The following SEPTIN11 variants were observed in gnomAD, a reference collection of about 807,000 sequenced individuals.
SEPTIN11 encodes septin 11.
Under a neutral mutation model 51.4 loss-of-function variants are expected in SEPTIN11, and 25 were observed. That is an observed-to-expected ratio of 0.49 (90% CI 0.35 to 0.68). The LOEUF (loss-of-function observed/expected upper bound fraction) is 0.68. Among genes scored for constraint, SEPTIN11 ranks in the 30% least tolerant of loss-of-function variants. SEPTIN11 has a pLI of 0.00. For missense variants in SEPTIN11, 381 were observed against 520.8 expected (o/e 0.73, Z 2.61); for synonymous variants, 174 against 184.1 (o/e 0.95, Z 0.44).
intron 2 of SEPTIN11, among the ~76,000 whole-genome samples, chr4:77,002,546 G>A (rs1724187928): frequency 6.6e-6 from 1 of 152,168 alleles, no homozygotes; most frequent in Non-Finnish European, 1.5e-5. Flanking sequence ...AAAGAAGTTG[G>A]CTCTGCTTGA....
chr4:76,949,967 C>G, intron 1 of SEPTIN11, 37 bp downstream of exon 1: 1 of 1,437,012 alleles, frequency 7.0e-7, no homozygotes, highest in African/African-American at 1.5e-5. Flanking sequence ...TCCTCGGGCG[C>G]CGGGTGGTCT....
chr4:76,981,016 A>G (rs890906114), intron 1 of SEPTIN11, among the ~76,000 whole-genome samples: 3 of 152,214 alleles, frequency 2.0e-5, no homozygotes, highest in Non-Finnish European at 4.4e-5. Flanking sequence ...TAATCTATCA[A>G]TCTAGGACCA....
rs575597519 is a variant in SEPTIN11, at chr4:76,992,881, A to G, written c.28-3544A>G. Among the ~76,000 whole-genome samples, 3 of 152,052 alleles carry G rather than the reference A, an allele frequency of 2.0e-5. No individual in the cohort carries two copies. In the East Asian group the frequency reaches 5.8e-4, roughly 29 times the overall value. On this transcript the variant is annotated intron_variant, in intron 1 of 9. Coordinates refer to ENST00000264893, the MANE Select transcript of SEPTIN11 (RefSeq NM_018243.4). ...TGGGAAGAAACCTGGGTTTGTCCCA[A>G]GAAGAGTGGTCATTTAATTTAACTG...
chr4:77,036,568 A>C lies in SEPTIN11; in HGVS notation c.*2056A>C, dbSNP rs1254386376. The C allele has an allele frequency of 2.1e-6, 3 of 1,419,580 alleles. No homozygotes were observed. The Admixed American group carries it at 9.3e-5, about 44-fold the overall frequency. 87.9% of individuals were successfully genotyped at this position (1,419,580 alleles called of 1,614,324 possible). On this transcript the variant is annotated 3_prime_UTR_variant, in exon 10 of 10. Transcript: ENST00000264893. ...GATTCCAAGATTATTGATTGGATTG[A>C]CTTTTTTGCATTAAATTTTTCCCAG...
intron 2 of SEPTIN11, among the ~76,000 whole-genome samples, chr4:77,005,064 G>A (rs1724388806): frequency 6.6e-6 from 1 of 152,214 alleles, no homozygotes; most frequent in African/African-American, 2.4e-5. Context: ...ACTCAGTGAT[G>A]TTAGTGATTA....
intron 1 of SEPTIN11, among the ~76,000 whole-genome samples, chr4:76,969,032 C>A (rs1722139601): frequency 6.6e-6 from 1 of 152,184 alleles, no homozygotes; most frequent in Non-Finnish European, 1.5e-5. Flanking sequence ...GAATAGTCTT[C>A]TTCCCACATG....
intron 4 of SEPTIN11, 81 bp downstream of exon 4, chr4:77,012,002 C>A: frequency 7.8e-7 from 1 of 1,276,356 alleles, no homozygotes; most frequent in Non-Finnish European, 1.1e-6. Flanking sequence ...TCTCTGCTTT[C>A]AGTGTGATTT....
At position 77,036,194 on chromosome 4, in the gene SEPTIN11, A is replaced by G. The variant is rs1436692059; in HGVS notation, c.*1682A>G. On this transcript the variant is annotated 3_prime_UTR_variant, in exon 10 of 10. Coordinates refer to ENST00000264893, the MANE Select transcript of SEPTIN11 (RefSeq NM_018243.4). ...TCATGGAAGCCTAAACAAAGCTGGA[A>G]TAGAAACTACACACTAGACACAGCA... The G allele has an allele frequency of 2.0e-6, 2 of 987,674 alleles. No homozygotes were observed. The highest frequency in any genetic ancestry group is 3.5e-5 in the African/African-American group (2 of 57,278). 61.2% of individuals were successfully genotyped at this position (987,674 alleles called of 1,614,324 possible). A position where few individuals can be genotyped will look rare whatever the true frequency, so the allele number is the denominator to read the frequency against.
chr4:77,008,465 GT>G (rs1380419494), intron 3 of SEPTIN11, among the ~76,000 whole-genome samples: 1 of 152,160 alleles, frequency 6.6e-6, no homozygotes, highest in African/African-American at 2.4e-5. Context: ...ACACTTTCTG[GT>G]GGAGGTAGTC....
chr4:77,038,260 T>G lies in SEPTIN11; in HGVS notation c.*3748T>G. 3.0e-6 allele frequency: 3 copies of G among 985,752 alleles called. No individual in the cohort carries two copies. Among genetic ancestry groups the G allele is most frequent in the Non-Finnish European group, 3.6e-6 (3 of 829,784 alleles). 61.1% of individuals were successfully genotyped at this position (985,752 alleles called of 1,614,324 possible). A position where few individuals can be genotyped will look rare whatever the true frequency, so the allele number is the denominator to read the frequency against. On this transcript the variant is annotated 3_prime_UTR_variant, in exon 10 of 10. Coordinates refer to ENST00000264893, the MANE Select transcript of SEPTIN11 (RefSeq NM_018243.4). ...CTGTGAACAGCATTAGAACTTTGTCTATTTCTTAATTTTAAAATATGCTGA... is the reference window on the plus strand; with the variant it reads ...CTGTGAACAGCATTAGAACTTTGTCGATTTCTTAATTTTAAAATATGCTGA...
chr4:76,989,386 C>T (rs1321730250), intron 1 of SEPTIN11, among the ~76,000 whole-genome samples: 10 of 152,126 alleles, frequency 6.6e-5, no homozygotes, highest in Admixed American at 3.9e-4. Flanking sequence ...CGAATGGAAA[C>T]GTAATTTTAA....
chr4:77,012,492 C>T (rs2109957206), intron 4 of SEPTIN11, among the ~76,000 whole-genome samples: 1 of 152,206 alleles, frequency 6.6e-6, no homozygotes, highest in South Asian at 2.1e-4. Context: ...TTAGACTTTC[C>T]ATTTTGAAAT....
Position 77,038,559 on chromosome 4 carries a change from T to G in SEPTIN11, c.*4047T>G. ...GAGTGGTGAACAGATAATCTATGCA[T>G]ATATCACTAGTGCCAAGACATAAAG... On this transcript the variant is annotated 3_prime_UTR_variant, in exon 10 of 10. Coordinates refer to ENST00000264893, the MANE Select transcript of SEPTIN11 (RefSeq NM_018243.4). 1 of 992,246 alleles carries G rather than the reference T, an allele frequency of 1.0e-6. No homozygotes were observed. The highest frequency in any genetic ancestry group is 1.7e-5 in the African/African-American group (1 of 57,416). The allele number at this position is 992,246 out of a possible 1,614,324, so 61.5% of individuals were successfully genotyped here.
In SEPTIN11 at chr4:77,024,586, A is replaced by G. The variant is rs966837393; in HGVS notation, c.953+3916A>G. Among the ~76,000 whole-genome samples, 1 of 152,048 alleles carries G rather than the reference A, an allele frequency of 6.6e-6. No individual in the cohort carries two copies. Among genetic ancestry groups the G allele is most frequent in the African/African-American group, 2.4e-5 (1 of 41,384 alleles). ...CAAGCTGCTCCCATCTCACCTCAGA[A>G]CACCACCGTCTCCTTGCTTCACCCC... On this transcript the variant is annotated intron_variant, in intron 7 of 9. Coordinates refer to ENST00000264893, the MANE Select transcript of SEPTIN11 (RefSeq NM_018243.4). The surrounding 1 kb of genome is among the most constrained non-coding windows in gnomAD (Gnocchi z 4.2).
intron 5 of SEPTIN11, among the ~76,000 whole-genome samples, chr4:77,018,222 G>A (rs1265391493): frequency 2.0e-5 from 3 of 152,130 alleles, no homozygotes; most frequent in South Asian, 2.1e-4. Context: ...AGGCCAAGGC[G>A]GGCGGATCAC....
chr4:76,997,293 C>CA (rs1723792130), intron 2 of SEPTIN11, among the ~76,000 whole-genome samples: 1 of 152,024 alleles, frequency 6.6e-6, no homozygotes, highest in Non-Finnish European at 1.5e-5. Flanking sequence ...TGAGACAGAT[C>CA]AAAGAATTCT....
At position 77,037,916 on chromosome 4, in the gene SEPTIN11, A is replaced by G. The variant is rs940452206; in HGVS notation, c.*3404A>G. The stretch of plus-strand genomic sequence containing the variant: ...TGACTCACCAGCAGTAACACACACA[A>G]TCCACATCTTGTGCACCTCAAATGA... On this transcript the variant is annotated 3_prime_UTR_variant, in exon 10 of 10. Transcript: ENST00000264893. 62 of 985,748 alleles carry G rather than the reference A, an allele frequency of 6.3e-5. No individual in the cohort carries two copies. Among genetic ancestry groups the G allele is most frequent in the Non-Finnish European group, 6.6e-5 (55 of 829,964 alleles). 61.1% of individuals were successfully genotyped at this position (985,748 alleles called of 1,614,324 possible).
intron 1 of SEPTIN11, among the ~76,000 whole-genome samples, chr4:76,989,934 G>A (rs1400866325): frequency 2.0e-5 from 3 of 152,166 alleles, no homozygotes; most frequent in Non-Finnish European, 2.9e-5. Context: ...GAATGAAGCC[G>A]CAGACCTTCA....
At chr4:76,976,979 A>T (rs1374456611) in intron 1 of SEPTIN11, among the ~76,000 whole-genome samples, 1 of 152,150 alleles carries the variant, frequency 6.6e-6, no homozygotes, top group Admixed American at 6.5e-5. Context: ...AGTAGTTTTT[A>T]TGTTTTTTTC....
Sources: gnomAD v4.1 joint callset for allele counts (sites outside exome capture counted in the v4.1 genomes callset) on GRCh38, gnomAD v4.1.1 for gene constraint, Gnocchi (gnomAD v3.1) non-coding constraint, MANE v1.5 for transcripts, NCBI Gene and HGNC (gene_info 2026-07-23, HGNC 2026-07-21) for gene names.